The following SYT1 variants were observed in gnomAD, a reference collection of about 807,000 sequenced individuals.
The protein encoded by SYT1 is synaptotagmin-1.
In SYT1, 8 loss-of-function variants were observed where a neutral mutation model predicts 44.8. The ratio of observed to expected loss-of-function variants is 0.18; its 90% CI spans 0.10 to 0.32. The LOEUF is 0.32. Ranked by LOEUF, SYT1 falls within the 10% of genes least tolerant of loss-of-function variation. The pLI is 1.00. For synonymous variants in SYT1, 154 were observed against 188.8 expected (o/e 0.82, Z 1.51); for missense variants, 286 against 509.3 (o/e 0.56, Z 4.22).
intron 6 of SYT1, among the ~76,000 whole-genome samples, chr12:79,294,603 A>T (rs1565895220): frequency 6.6e-6 from 1 of 152,128 alleles, no homozygotes; most frequent in Non-Finnish European, 1.5e-5. Flanking sequence ...CTAAATTATA[A>T]ATCATCTAGT....
chr12:78,992,880 CA>C (rs1470467689), intron 2 of SYT1, among the ~76,000 whole-genome samples: 1 of 152,120 alleles, frequency 6.6e-6, no homozygotes, highest in African/African-American at 2.4e-5. Context: ...GGGAAAAAAG[CA>C]AATAGAATAG....
At chr12:78,966,383 A>G (rs1397671036) in intron 1 of SYT1, among the ~76,000 whole-genome samples, 4 of 152,094 alleles carry the variant, frequency 2.6e-5, no homozygotes, top group Non-Finnish European at 5.9e-5. Context: ...AAAGAAGTGA[A>G]AACCCAAGAA....
intron 1 of SYT1, among the ~76,000 whole-genome samples, chr12:78,884,748 A>G (rs1363549532): frequency 6.6e-6 from 1 of 151,606 alleles, no homozygotes; most frequent in Non-Finnish European, 1.5e-5. Flanking sequence ...TTCAAAATGT[A>G]AACTTGTTAA....
At chr12:79,436,553 T>G (rs528356846) in intron 9 of SYT1, among the ~76,000 whole-genome samples, 1 of 152,368 alleles carries the variant, frequency 6.6e-6, no homozygotes, top group Non-Finnish European at 1.5e-5. Flanking sequence ...ACTGCTACTT[T>G]CTAGTTCTCA....
chr12:79,258,101 A>G (rs1202239651), intron 4 of SYT1, among the ~76,000 whole-genome samples: 2 of 60,920 alleles, frequency 3.3e-5, no homozygotes, highest in African/African-American at 3.2e-4. Context: ...GAGTTTTGCT[A>G]TGACAATAAA....
intron 3 of SYT1, among the ~76,000 whole-genome samples, chr12:79,088,137 A>G (rs1029556566): frequency 1.3e-5 from 2 of 152,130 alleles, no homozygotes; most frequent in Non-Finnish European, 2.9e-5. Flanking sequence ...ATAGACTAGC[A>G]TTGGTCTCAA....
intron 2 of SYT1, among the ~76,000 whole-genome samples, chr12:78,989,953 G>A (rs1187956511): frequency 6.6e-6 from 1 of 152,062 alleles, no homozygotes; most frequent in East Asian, 1.9e-4. Context: ...GTGGCTACTG[G>A]AAGAAACAGA....
At chr12:79,113,971 G>C (rs1267771382) in intron 3 of SYT1, among the ~76,000 whole-genome samples, 1 of 152,068 alleles carries the variant, frequency 6.6e-6, no homozygotes. Context: ...GGCTTTCTAT[G>C]TTCTGACTCC....
intron 1 of SYT1, among the ~76,000 whole-genome samples, chr12:78,934,194 T>C (rs1228978012): frequency 6.7e-6 from 1 of 150,316 alleles, no homozygotes; most frequent in East Asian, 2.0e-4. Context: ...ACACACACCA[T>C]ACCTGTTGAT....
chr12:79,217,640 T>C lies in SYT1; in HGVS notation c.121T>C (p.Ser41Pro). 6.2e-7 allele frequency: 1 copy of C among 1,613,236 alleles called. No homozygotes were observed. The highest frequency in any genetic ancestry group is 2.2e-5 in the East Asian group (1 of 44,778). ...TGGAGAAGGAAAGGAAGATGCATTT[T>C]CTAAGCTGAAGGAGAAGTTTATGAA... ...SPGEGKEDAF[S>P]KLKEKFMNEL... Residue 41 changes from serine to proline, a missense_variant, in exon 4 of 11, where the codon TCT (serine) becomes CCT (proline). Coordinates refer to ENST00000261205, the MANE Select transcript of SYT1 (RefSeq NM_005639.3).
chr12:79,433,124 T>G (rs1310407155), intron 9 of SYT1, among the ~76,000 whole-genome samples: 2 of 152,180 alleles, frequency 1.3e-5, no homozygotes, highest in African/African-American at 2.4e-5. Flanking sequence ...GTCCATACAC[T>G]GCCTAATTCT....
chr12:79,002,405 T>G (rs1870801239), intron 2 of SYT1, among the ~76,000 whole-genome samples: 1 of 152,106 alleles, frequency 6.6e-6, no homozygotes, highest in Admixed American at 6.6e-5. Flanking sequence ...ACAGCGCACT[T>G]GTGATTTCAA....
chr12:79,030,988 C>A (rs894515812), intron 2 of SYT1, among the ~76,000 whole-genome samples: 1 of 151,058 alleles, frequency 6.6e-6, no homozygotes, highest in Non-Finnish European at 1.5e-5. Flanking sequence ...TCACTCCCAA[C>A]AACCACTATC....
intron 8 of SYT1, among the ~76,000 whole-genome samples, chr12:79,329,576 A>G (rs373491759): frequency 6.6e-6 from 1 of 152,118 alleles, no homozygotes; most frequent in Non-Finnish European, 1.5e-5. Context: ...TGACCACTTT[A>G]TCTCATCTCA....
At chr12:78,880,962 G>C (rs1592520007) in intron 1 of SYT1, among the ~76,000 whole-genome samples, 1 of 151,202 alleles carries the variant, frequency 6.6e-6, no homozygotes, top group Non-Finnish European at 1.5e-5. Flanking sequence ...ACTAATTATT[G>C]TAAGAAAAAA....
chr12:79,291,960 T>A (rs773031680), intron 5 of SYT1, 48 bp from the exon 6 acceptor site: 2 of 1,610,818 alleles, frequency 1.2e-6, no homozygotes, highest in Admixed American at 3.4e-5. Context: ...CAATTTGAGT[T>A]TTGATGAAAA....
Position 78,901,790 on chromosome 12 carries a change from C to T in SYT1, c.-217+36681C>T, listed in dbSNP as rs189489477. On this transcript the variant is annotated intron_variant, in intron 1 of 10. Coordinates refer to ENST00000261205, the MANE Select transcript of SYT1 (RefSeq NM_005639.3). ...ATGTGATCAAACTCCATCATACATG[C>T]TTGAAACATCTTTAAAAATGGAGAG... 1.8e-3 allele frequency among the ~76,000 whole-genome samples: 271 copies of T among 152,242 alleles called. 2 individuals carry two copies. The highest frequency in any genetic ancestry group is 6.3e-3 in the African/African-American group (263 of 41,556).
intron 3 of SYT1, among the ~76,000 whole-genome samples, chr12:79,087,240 C>T (rs139143389): frequency 6.6e-6 from 1 of 152,044 alleles, no homozygotes; most frequent in African/African-American, 2.4e-5. Flanking sequence ...GCAAATGGAA[C>T]TTCAGTGTCA....
At chr12:79,135,550 G>C (rs550471274) in intron 3 of SYT1, among the ~76,000 whole-genome samples, 37 of 152,160 alleles carry the variant, frequency 2.4e-4, no homozygotes, top group African/African-American at 7.7e-4. Flanking sequence ...TATGAAACAG[G>C]CTTGCACTTA....
Sources: allele counts gnomAD v4.1 joint callset (sites outside exome capture counted in the v4.1 genomes callset), GRCh38; gene constraint gnomAD v4.1.1; transcripts MANE v1.5; gene names NCBI Gene and HGNC (gene_info 2026-07-23, HGNC 2026-07-21).